The following SORCS3 variants were observed in gnomAD, a reference collection of about 807,000 sequenced individuals.
SORCS3 encodes VPS10 domain-containing receptor SorCS3.
A neutral mutation model predicts 146.3 loss-of-function variants in SORCS3; 57 were observed. The ratio of observed to expected loss-of-function variants is 0.39; its 90% CI spans 0.31 to 0.49. SORCS3 has a LOEUF of 0.49. Among genes scored for constraint, SORCS3 ranks in the 20% least tolerant of loss-of-function variants. SORCS3 has a pLI of 0.92. For missense variants in SORCS3, 1,341 were observed against 1,575.5 expected, an observed-to-expected ratio of 0.85 and a Z score of 2.52; for synonymous variants, 653 against 618.5, an observed-to-expected ratio of 1.06 and a Z score of -0.83.
intron 1 of SORCS3, among the ~76,000 whole-genome samples, chr10:104,719,572 G>A (rs776398352): frequency 9.9e-5 from 15 of 152,126 alleles, no homozygotes; most frequent in South Asian, 2.1e-4. Flanking sequence ...AAATTGCTTC[G>A]CTTCTCTGCT....
At chr10:104,648,168 TG>T (rs996777571) in intron 1 of SORCS3, among the ~76,000 whole-genome samples, 1 of 152,226 alleles carries the variant, frequency 6.6e-6, no homozygotes, top group African/African-American at 2.4e-5. Context: ...AGGATCCCTG[TG>T]GGACATACTA....
chr10:104,964,747 C>T (rs879510347), intron 3 of SORCS3, among the ~76,000 whole-genome samples: 6 of 151,830 alleles, frequency 4.0e-5, no homozygotes, highest in Admixed American at 2.6e-4. Context: ...TGCAATTTGC[C>T]GTCTTCCCAT....
intron 1 of SORCS3, among the ~76,000 whole-genome samples, chr10:104,780,435 C>T (rs77684304): frequency 2.0e-3 from 308 of 152,308 alleles, no homozygotes; most frequent in African/African-American, 6.9e-3. Flanking sequence ...CACTGAACCA[C>T]GCATACTCGG....
intron 14 of SORCS3, among the ~76,000 whole-genome samples, chr10:105,189,249 G>GC (rs1312044022): frequency 6.6e-6 from 1 of 152,110 alleles, no homozygotes; most frequent in Non-Finnish European, 1.5e-5. Flanking sequence ...TTTCACCCAC[G>GC]CAAGTGGCTC....
At chr10:104,982,303 G>C (rs1353687714) in intron 4 of SORCS3, among the ~76,000 whole-genome samples, 1 of 152,144 alleles carries the variant, frequency 6.6e-6, no homozygotes, top group Admixed American at 6.5e-5. Context: ...ATGTAAACTT[G>C]ACTTCTGGAA....
chr10:104,967,401 C>T (rs980640345), intron 3 of SORCS3, among the ~76,000 whole-genome samples: 3 of 152,024 alleles, frequency 2.0e-5, no homozygotes, highest in African/African-American at 7.2e-5. Flanking sequence ...TGAGATTTAC[C>T]CTCTTAACCC....
intron 7 of SORCS3, among the ~76,000 whole-genome samples, chr10:105,129,336 T>G (rs7475759): frequency 9.3e-6 from 1 of 107,340 alleles, no homozygotes; most frequent in Non-Finnish European, 2.3e-5. Flanking sequence ...TTTCTCTTTT[T>G]TTTTTTTTTT....
rs139877627 is a variant in SORCS3, at chr10:104,651,480, G to A, written c.627+9526G>A. Reference sequence around the variant, plus strand: ...AGGCTGAGGCGGGCAGATCACTTGAGGTCAGGAGTTCGAGACCAGCCTGGC... The same window carrying A: ...AGGCTGAGGCGGGCAGATCACTTGAAGTCAGGAGTTCGAGACCAGCCTGGC... On this transcript the variant is annotated intron_variant, in intron 1 of 26. Transcript: ENST00000369701. Among the ~76,000 whole-genome samples the A allele has an allele frequency of 2.4e-3, 358 of 149,854 alleles. 4 individuals are homozygous for A. The highest frequency in any genetic ancestry group is 8.4e-3 in the African/African-American group (341 of 40,664).
intron 1 of SORCS3, 79 bp from the exon 2 acceptor site, chr10:104,842,713 T>C (rs1489541338): frequency 9.1e-7 from 1 of 1,095,910 alleles, no homozygotes; most frequent in East Asian, 2.4e-5. Context: ...CATTATATAT[T>C]GTTACACAAA....
At chr10:105,147,191 A>G (rs577297839) in intron 8 of SORCS3, among the ~76,000 whole-genome samples, 1 of 152,094 alleles carries the variant, frequency 6.6e-6, no homozygotes, top group African/African-American at 2.4e-5. Context: ...GACTCTGAAG[A>G]TTTTAAAGAA....
intron 20 of SORCS3, among the ~76,000 whole-genome samples, chr10:105,238,129 A>G (rs897276244): frequency 3.3e-5 from 5 of 152,228 alleles, no homozygotes; most frequent in Non-Finnish European, 5.9e-5. Flanking sequence ...AAGAGCAAGA[A>G]TTTCTGAAAT....
intron 7 of SORCS3, among the ~76,000 whole-genome samples, chr10:105,130,933 A>T (rs1184521028): frequency 6.6e-6 from 1 of 152,136 alleles, no homozygotes; most frequent in Non-Finnish European, 1.5e-5. Flanking sequence ...ATTCTGACTC[A>T]TAGTGTGGTC....
chr10:104,666,307 T>G (rs1454860295), intron 1 of SORCS3: 1 of 152,168 alleles, frequency 6.6e-6, no homozygotes, highest in Non-Finnish European at 1.5e-5. Context: ...ATGGAAACAT[T>G]TCCTCCGAGT....
chr10:105,068,816 T>C (rs996612354), intron 5 of SORCS3, among the ~76,000 whole-genome samples: 4 of 152,172 alleles, frequency 2.6e-5, no homozygotes, highest in Non-Finnish European at 2.9e-5. Context: ...TGAATAGAAA[T>C]CAATGGAATG....
chr10:104,925,949 T>C (rs1217911907), intron 3 of SORCS3, among the ~76,000 whole-genome samples: 2 of 152,216 alleles, frequency 1.3e-5, no homozygotes, highest in African/African-American at 4.8e-5. Flanking sequence ...AAATGAGAGT[T>C]GTAATTTTGT....
chr10:105,138,845 T>C (rs779941323), intron 7 of SORCS3, among the ~76,000 whole-genome samples: 5 of 152,236 alleles, frequency 3.3e-5, no homozygotes, highest in Admixed American at 6.5e-5. Context: ...TTAAGTATCT[T>C]GTACGTGGAA....
chr10:104,769,032 C>T (rs1365929567), intron 1 of SORCS3, among the ~76,000 whole-genome samples: 4 of 152,198 alleles, frequency 2.6e-5, no homozygotes, highest in Non-Finnish European at 5.9e-5. Context: ...TTCCTTGCTT[C>T]TGTGTCTCCC....
chr10:104,975,682 A>G (rs533018313), intron 3 of SORCS3, among the ~76,000 whole-genome samples: 239 of 152,374 alleles, frequency 1.6e-3, no homozygotes, highest in Non-Finnish European at 2.8e-3. Flanking sequence ...TACAGTAACC[A>G]AAACAACATG....
At chr10:104,745,376 T>C (rs1480746606) in intron 1 of SORCS3, among the ~76,000 whole-genome samples, 1 of 152,214 alleles carries the variant, frequency 6.6e-6, no homozygotes, top group Non-Finnish European at 1.5e-5. Context: ...TATATACTTA[T>C]ATAGAAGTAT....
Sources: gnomAD v4.1 joint callset for allele counts (sites outside exome capture counted in the v4.1 genomes callset) on GRCh38, gnomAD v4.1.1 for gene constraint, MANE v1.5 for transcripts, NCBI Gene and HGNC (gene_info 2026-07-23, HGNC 2026-07-21) for gene names.